Variants in HIF3A observed in about 807,000 individuals in gnomAD.
The protein encoded by HIF3A is hypoxia-inducible factor 3-alpha.
A neutral mutation model predicts 67.2 loss-of-function variants in HIF3A; 41 were observed. The ratio of observed to expected loss-of-function variants is 0.61; its 90% CI spans 0.48 to 0.79. The LOEUF (loss-of-function observed/expected upper bound fraction) is 0.79, where lower values mean the gene tolerates loss of function less well. HIF3A is among the 30% of genes least tolerant of loss of function. The pLI, the probability that HIF3A is intolerant of heterozygous loss-of-function variation, is 0.00. For missense variants in HIF3A, 855 were observed against 898.0 expected, an observed-to-expected ratio of 0.95 and a Z score of 0.61; for synonymous variants, 356 against 374.8, an observed-to-expected ratio of 0.95 and a Z score of 0.58.
intron 13 of HIF3A, among the ~76,000 whole-genome samples, chr19:46,333,215 T>C (rs1259437272): frequency 6.6e-6 from 1 of 152,168 alleles, no homozygotes; most frequent in Non-Finnish European, 1.5e-5. Context: ...GTTAAACAAC[T>C]GTATCAGAGT....
At chr19:46,325,787 GAATGGATGAGGTTTAGGCAGATATTTT>G in intron 11 of HIF3A, 148 bp downstream of exon 11, 2 of 596,298 alleles carry the variant, frequency 3.4e-6, no homozygotes. Flanking sequence ...GATGGTGGAT[GAATGGATGAGGTTTAGGCAGATATTTT>G]AATGGATGGA....
At chr19:46,332,865 C>G (rs1002762313) in intron 13 of HIF3A, among the ~76,000 whole-genome samples, 57 of 151,980 alleles carry the variant, frequency 3.8e-4, no homozygotes, top group African/African-American at 1.4e-3. Context: ...ACCTATAGTG[C>G]CAGCTACTCG....
intron 1 of HIF3A, 91 bp from the exon 2 acceptor site, chr19:46,303,807 C>G: frequency 6.6e-7 from 1 of 1,517,354 alleles, no homozygotes; most frequent in Non-Finnish European, 9.0e-7. Context: ...TCCACGAGCC[C>G]CGGCCCCACG....
intron 3 of HIF3A, among the ~76,000 whole-genome samples, chr19:46,307,970 A>G (rs916367670): frequency 9.5e-5 from 2 of 20,970 alleles, no homozygotes; most frequent in African/African-American, 4.5e-4. Context: ...AGACAGACAG[A>G]CAGACAGACA....
intron 14 of HIF3A, chr19:46,338,411 C>CAGTTCA (rs1971782884): frequency 2.3e-6 from 1 of 441,234 alleles, no homozygotes; most frequent in Admixed American, 3.4e-5. Flanking sequence ...CCATGTTGCC[C>CAGTTCA]AGGCTGGTCT....
chr19:46,322,705 T>C (rs1000051118), intron 10 of HIF3A, among the ~76,000 whole-genome samples: 3 of 151,880 alleles, frequency 2.0e-5, no homozygotes, highest in Admixed American at 2.0e-4. Flanking sequence ...CCTCCCAGAG[T>C]GCTGGGATTA....
chr19:46,340,311 C>T lies in HIF3A; in HGVS notation c.*689C>T, dbSNP rs1971889878. 6.5e-6 allele frequency: 1 copy of T among 152,908 alleles called. No homozygotes were observed. The highest frequency in any genetic ancestry group is 2.4e-5 in the African/African-American group (1 of 41,470). 9.5% of individuals were successfully genotyped at this position (152,908 alleles called of 1,614,324 possible). A position where few individuals can be genotyped will look rare whatever the true frequency, so the allele number is the denominator to read the frequency against. On this transcript the variant is annotated 3_prime_UTR_variant, in exon 15 of 15. Transcript: ENST00000377670. ...GGACACTGACTTCATTCATGGTCCT[C>T]CTACTTCAGGGGCAGCCTCCCAGTT...
In HIF3A at chr19:46,312,219, T is replaced by G. The variant is rs1049018793; in HGVS notation, c.829T>G (p.Tyr277Asp). Reference sequence around the variant, plus strand: ...CCTGATCGGCTGTTCCGCCTACGAGTACATCCACGCGCTGGACTCCGATGC... The same window carrying G: ...CCTGATCGGCTGTTCCGCCTACGAGGACATCCACGCGCTGGACTCCGATGC... ...DDLIGCSAYEYIHALDSDAVS... is the reference protein window; with the variant it reads ...DDLIGCSAYEDIHALDSDAVS... Residue 277 changes from tyrosine to aspartate, a missense_variant, in exon 7 of 15, where the codon TAC (tyrosine) becomes GAC (aspartate). Transcript: ENST00000377670. The G allele has an allele frequency of 3.7e-6, 6 of 1,613,596 alleles. No homozygotes were observed. The highest frequency in any genetic ancestry group is 4.2e-6 in the Non-Finnish European group (5 of 1,179,912).
Position 46,339,597 on chromosome 19 carries a change from G to A in HIF3A, c.1985G>A (p.Arg662Lys). The A allele has an allele frequency of 6.2e-7, 1 of 1,608,578 alleles. No homozygotes were observed. The highest frequency in any genetic ancestry group is 1.3e-5 in the African/African-American group (1 of 74,874). The change falls in exon 15 of 15, where the codon AGG (arginine) becomes AAG (lysine). Residue 662 changes from arginine to lysine, a missense_variant. Coordinates refer to ENST00000377670, the MANE Select transcript of HIF3A (RefSeq NM_152795.4). ...TTQPGGPFQPRAGSAQAD is the reference protein window; with the variant it reads ...TTQPGGPFQPKAGSAQAD ...CAGCCCGGGGGCCCCTTCCAGCCAAGGGCAGGCTCAGCCCAGGCTGACTGA... is the reference window on the plus strand; with the variant it reads ...CAGCCCGGGGGCCCCTTCCAGCCAAAGGCAGGCTCAGCCCAGGCTGACTGA...
Position 46,305,401 on chromosome 19 carries a change from CT to C in HIF3A, c.363+12del, listed in dbSNP as rs745582459. 1 of 1,613,034 alleles carries C rather than the reference CT, an allele frequency of 6.2e-7. No homozygotes were observed. Among genetic ancestry groups the C allele is most frequent in the Non-Finnish European group, 8.5e-7 (1 of 1,179,654 alleles). On this transcript the variant is annotated intron_variant, in intron 3 of 14. Transcript: ENST00000377670. Reference sequence around the variant, plus strand: ...CTGGGCCTCAGTCAGGTGAGAGGAGCTCCTTGCTCTGTGCCTGGCCCTGTAC... The same window carrying C: ...CTGGGCCTCAGTCAGGTGAGAGGAGCCCTTGCTCTGTGCCTGGCCCTGTAC...
chr19:46,309,528 T>A (rs548321265), intron 6 of HIF3A, among the ~76,000 whole-genome samples, 169 bp downstream of exon 6: 2 of 152,080 alleles, frequency 1.3e-5, no homozygotes, highest in African/African-American at 2.4e-5. Flanking sequence ...GCCTTTTATA[T>A]CTTTTCTTTT....
chr19:46,304,918 T>G, intron 2 of HIF3A: 1 of 406,494 alleles, frequency 2.5e-6, no homozygotes, highest in Non-Finnish European at 4.6e-6. Context: ...CCTGGCCCCT[T>G]CATATTTTGA....
chr19:46,324,406 C>T (rs1278119584), intron 10 of HIF3A, among the ~76,000 whole-genome samples: 1 of 152,126 alleles, frequency 6.6e-6, no homozygotes, highest in African/African-American at 2.4e-5. Flanking sequence ...GTCTTCATCC[C>T]CACTCTCCAC....
chr19:46,328,240 C>A (rs569146532), intron 11 of HIF3A, among the ~76,000 whole-genome samples: 3 of 152,144 alleles, frequency 2.0e-5, no homozygotes. Context: ...TCCAAAGGAC[C>A]CACAGTGAAT....
At chr19:46,317,306 C>T (rs1326202928) in intron 8 of HIF3A, among the ~76,000 whole-genome samples, 7 of 152,146 alleles carry the variant, frequency 4.6e-5, no homozygotes, top group Admixed American at 4.6e-4. Context: ...CCTCCCGCCT[C>T]AGCCTCCCAA....
At position 46,308,754 on chromosome 19, in the gene HIF3A, C is replaced by A. The variant is rs1370377287; in HGVS notation, c.540C>A (p.Asn180Lys). ...TCACCAGCCGCGGGCGCACCCTCAA[C>A]CTCAAGGCGGCCACCTGGAAGGTGC... ...STLTSRGRTL[N>K]LKAATWKVLN... The change falls in exon 5 of 15, where the codon AAC becomes AAA. Residue 180 changes from asparagine to lysine, a missense_variant. Physicochemically the swap from Asn to Lys is moderately conservative, Grantham distance 94. This residue lies in a region of HIF3A where 638 missense variants were observed against 660.5 expected (regional missense o/e 0.97). Coordinates refer to ENST00000377670, the MANE Select transcript of HIF3A (RefSeq NM_152795.4). The A allele has an allele frequency of 1.5e-5, 24 of 1,608,372 alleles. No individual in the cohort carries two copies. Among genetic ancestry groups the A allele is most frequent in the Non-Finnish European group, 1.9e-5 (22 of 1,177,428 alleles).
chr19:46,299,109 C>G (rs960362388), intron 1 of HIF3A, among the ~76,000 whole-genome samples: 6 of 152,386 alleles, frequency 3.9e-5, no homozygotes, highest in Non-Finnish European at 7.3e-5. Flanking sequence ...TGGCCCCACC[C>G]CCTGTTCTTG....
chr19:46,324,892 A>T (rs1041166409), intron 10 of HIF3A, among the ~76,000 whole-genome samples: 19 of 143,986 alleles, frequency 1.3e-4, no homozygotes, highest in Non-Finnish European at 2.3e-4. Context: ...GTTTTTATTT[A>T]TATATATATA....
Position 46,335,502 on chromosome 19 carries a change from T to G in HIF3A, c.1912+516T>G, listed in dbSNP as rs540958729. ...CCAGGCTGGTCTCGAACTCCTGACC[T>G]CAGGTGATCTGCCTGCCTTGACCTC... On this transcript the variant is annotated intron_variant, in intron 14 of 14. Coordinates refer to ENST00000377670, the MANE Select transcript of HIF3A (RefSeq NM_152795.4). Among the ~76,000 whole-genome samples, 40 of 152,186 alleles carry G rather than the reference T, an allele frequency of 2.6e-4. 1 individual carries two copies. The highest frequency in any genetic ancestry group is 8.9e-4 in the African/African-American group (37 of 41,518).
Sources: gnomAD v4.1 joint callset for allele counts (sites outside exome capture counted in the v4.1 genomes callset) on GRCh38, gnomAD v4.1.1 for gene constraint, gnomAD v4.1.1 regional missense constraint, MANE v1.5 for transcripts, NCBI Gene and HGNC (gene_info 2026-07-23, HGNC 2026-07-21) for gene names.